The following CDK16 variants were observed in gnomAD, a reference collection of about 807,000 sequenced individuals.
The protein encoded by CDK16 is cyclin-dependent kinase 16.
CDK16 carries 2 observed loss-of-function variants against 41.6 expected under a neutral mutation model. The ratio of observed to expected loss-of-function variants is 0.05; its 90% CI spans 0.02 to 0.15. The LOEUF is 0.15. CDK16 is among the 10% of genes least tolerant of loss of function. The probability of loss-of-function intolerance (pLI) is 1.00; values close to 1 mark genes in which losing one functional copy is unlikely to be tolerated. For synonymous variants in CDK16, 169 were observed against 169.7 expected (o/e 1.00, Z 0.03); for missense variants, 228 against 428.9 (o/e 0.53, Z 4.14).
At position 47,218,712 on chromosome X, in the gene CDK16, A is replaced by C; in HGVS notation, c.-400A>C. The C allele has an allele frequency of 8.6e-7, 1 of 1,163,736 alleles. No individual in the cohort carries two copies. The highest frequency in any genetic ancestry group is 1.1e-6 in the Non-Finnish European group (1 of 871,652). On this transcript the variant is annotated 5_prime_UTR_variant, in exon 1 of 16. The change abolishes an upstream ATG in the 5' untranslated region. Transcript: ENST00000357227. ...CACCCTTCCGAGCGCCTGCGTGCGCATGCGCGGAGCGCGGCGCGCGCGGCG... is the reference window on the plus strand; with the variant it reads ...CACCCTTCCGAGCGCCTGCGTGCGCCTGCGCGGAGCGCGGCGCGCGCGGCG...
chrX:47,229,311 T>C lies in CDK16; in HGVS notation c.*543T>C. ...AAATGAGATTTTTGTTTTTTTTAAA[T>C]GCAATATCTCTGTATACAGACTGGC... On this transcript the variant is annotated 3_prime_UTR_variant, in exon 16 of 16. Coordinates refer to ENST00000357227, the MANE Select transcript of CDK16 (RefSeq NM_006201.5). The C allele has an allele frequency of 8.4e-6, 2 of 236,972 alleles. No homozygotes were observed. Among genetic ancestry groups the C allele is most frequent in the Non-Finnish European group, 7.9e-6 (1 of 126,589 alleles). 19.5% of individuals were successfully genotyped at this position (236,972 alleles called of 1,213,427 possible).
intron 3 of CDK16, 50 bp downstream of exon 3, chrX:47,224,568 C>T: frequency 5.0e-6 from 6 of 1,209,407 alleles, no homozygotes; most frequent in Non-Finnish European, 6.7e-6. Context: ...GGGGTTGGAC[C>T]TGGGGAGGTG....
At position 47,219,101 on chromosome X, in the gene CDK16, C is replaced by T; in HGVS notation, c.-11C>T. The T allele has an allele frequency of 1.2e-6, 1 of 812,643 alleles. No individual in the cohort carries two copies. 67.0% of individuals were successfully genotyped at this position (812,643 alleles called of 1,213,427 possible). On this transcript the variant is annotated 5_prime_UTR_variant, in exon 1 of 16. Coordinates refer to ENST00000357227, the MANE Select transcript of CDK16 (RefSeq NM_006201.5). ...GGCTCTGAGGTTGCTCGCGCGCCCC[C>T]GCCGGTGAGCGCGTCCCCGAGGCGT...
rs372290137 is a variant in CDK16, at chrX:47,224,572, G to T, written c.337-46G>T. The T allele has an allele frequency of 7.5e-5, 91 of 1,208,177 alleles. No homozygotes were observed. In the East Asian group the frequency reaches 1.9e-3, roughly 25 times the overall value. On this transcript the variant is annotated intron_variant, in intron 3 of 15. Coordinates refer to ENST00000357227, the MANE Select transcript of CDK16 (RefSeq NM_006201.5). ...AACTGGAAAAGGGGGTTGGACCTGG[G>T]GAGGTGGAGCTCATGATCCTGTTTC... is the stretch of plus-strand genomic sequence containing the variant.
chrX:47,218,756 C>T lies in CDK16; in HGVS notation c.-356C>T. The T allele has an allele frequency of 1.7e-6, 2 of 1,158,249 alleles. No individual in the cohort carries two copies. Among genetic ancestry groups the T allele is most frequent in the South Asian group, 1.9e-5 (1 of 52,438 alleles). ...CGCGGCGGTTGGGCCGTTGGCTGTT[C>T]GGCCCTGGGATCCGCCGCCACTCCG... On this transcript the variant is annotated 5_prime_UTR_variant, in exon 1 of 16. Coordinates refer to ENST00000357227, the MANE Select transcript of CDK16 (RefSeq NM_006201.5).
intron 1 of CDK16, 31 bp downstream of exon 1, chrX:47,219,136 C>T (rs1174366846): frequency 7.5e-6 from 6 of 796,224 alleles, no homozygotes; most frequent in Non-Finnish European, 9.0e-6. Flanking sequence ...TGGAGGCTGC[C>T]CCTCCTCCTT....
In CDK16 at chrX:47,229,181, T is replaced by A; in HGVS notation, c.*413T>A. On this transcript the variant is annotated 3_prime_UTR_variant, in exon 16 of 16. Transcript: ENST00000357227. ...GACAAGATGGTGACAATGCCTTGAG[T>A]CTGAGGCATCCTCTGCCTGCTTTCC... is the stretch of plus-strand genomic sequence containing the variant. 3.7e-6 allele frequency: 1 copy of A among 270,484 alleles called. No homozygotes were observed. The allele number at this position is 270,484 out of a possible 1,213,427, so 22.3% of individuals were successfully genotyped here.
At chrX:47,219,606 G>A (rs1313956449) in intron 1 of CDK16, among the ~76,000 whole-genome samples, 3 of 110,870 alleles carry the variant, frequency 2.7e-5, no homozygotes, top group Non-Finnish European at 3.8e-5. Context: ...GTTCATGGGG[G>A]ACAGGGTGGC....
Position 47,226,815 on chromosome X carries a change from T to C in CDK16, c.1041T>C (p.Gly347=), listed in dbSNP as rs145164365. ...TCACTGTGCCCTCCCTGCCCAGGGG[T>C]GTGGGCTGCATCTTCTATGAGATGG... ...TDYSTQIDMW[G]VGCIFYEMAT... Residue 347 remains glycine (G), a synonymous_variant, in exon 11 of 16, where the codon GGT becomes GGC. Transcript: ENST00000357227. The C allele has an allele frequency of 9.1e-6, 11 of 1,203,003 alleles. No homozygotes were observed. Among genetic ancestry groups the C allele is most frequent in the Middle Eastern group, 2.3e-4 (1 of 4,323 alleles).
chrX:47,224,802 G>A, intron 4 of CDK16, 32 bp from the exon 5 acceptor site: 1 of 1,211,325 alleles, frequency 8.3e-7, no homozygotes, highest in Non-Finnish European at 1.1e-6. Context: ...CTTCTCCTGA[G>A]CCAGCTTTAA....
Position 47,219,072 on chromosome X carries a change from C to G in CDK16, c.-40C>G. On this transcript the variant is annotated 5_prime_UTR_variant, in exon 1 of 16. Coordinates refer to ENST00000357227, the MANE Select transcript of CDK16 (RefSeq NM_006201.5). The stretch of plus-strand genomic sequence containing the variant: ...CGCCCCAGGCGCCGCCGCGCCGGCC[C>G]CGCGGCTCTGAGGTTGCTCGCGCGC... 1 of 818,693 alleles carries G rather than the reference C, an allele frequency of 1.2e-6. No homozygotes were observed. The highest frequency in any genetic ancestry group is 1.5e-6 in the Non-Finnish European group (1 of 682,115). The allele number at this position is 818,693 out of a possible 1,213,427, so 67.5% of individuals were successfully genotyped here. A position where few individuals can be genotyped will look rare whatever the true frequency, so the allele number is the denominator to read the frequency against.
Position 47,219,071 on chromosome X carries a change from C to A in CDK16, c.-41C>A. ...CCGCCCCAGGCGCCGCCGCGCCGGC[C>A]CCGCGGCTCTGAGGTTGCTCGCGCG... On this transcript the variant is annotated 5_prime_UTR_variant, in exon 1 of 16. Transcript: ENST00000357227. 1.2e-6 allele frequency: 1 copy of A among 819,034 alleles called. No individual in the cohort carries two copies. The highest frequency in any genetic ancestry group is 1.4e-4 in the East Asian group (1 of 7,346). 67.5% of individuals were successfully genotyped at this position (819,034 alleles called of 1,213,427 possible). A position where few individuals can be genotyped will look rare whatever the true frequency, so the allele number is the denominator to read the frequency against.
chrX:47,218,651 A>G (rs1410216536), upstream of CDK16: 59 of 1,165,588 alleles, frequency 5.1e-5, no homozygotes, highest in Non-Finnish European at 6.4e-5. Flanking sequence ...GTCCTTTGGT[A>G]CATGCAGTCC....
Position 47,228,714 on chromosome X carries a change from T to C in CDK16, c.1454-17T>C, listed in dbSNP as rs2055282975. ...TGCTTACCCACCAACAGCCATCTGC[T>C]CTGCTTTCCCCCACAGGCAGGCCAG... On this transcript the variant is annotated splice_polypyrimidine_tract_variant and intron_variant, in intron 15 of 15. Coordinates refer to ENST00000357227, the MANE Select transcript of CDK16 (RefSeq NM_006201.5). 8.3e-7 allele frequency: 1 copy of C among 1,209,966 alleles called. No homozygotes were observed. Among genetic ancestry groups the C allele is most frequent in the South Asian group, 1.8e-5 (1 of 56,784 alleles).
intron 1 of CDK16, 73 bp downstream of exon 1, chrX:47,219,178 T>A (rs1937220059): frequency 1.3e-6 from 1 of 769,916 alleles, no homozygotes; most frequent in African/African-American, 2.3e-5. Context: ...CCCAGGGGTC[T>A]GGGCTGCGGG....
chrX:47,218,573 C>T, upstream of CDK16: 1 of 1,142,293 alleles, frequency 8.8e-7, no homozygotes, highest in Non-Finnish European at 1.2e-6. Flanking sequence ...TCCCTGGTGC[C>T]GTCTCCGGCT....
upstream of CDK16, chrX:47,218,484 G>A (rs1937172117): frequency 4.3e-6 from 3 of 694,682 alleles, no homozygotes; most frequent in Admixed American, 8.4e-5. Flanking sequence ...GACGCGCCAG[G>A]TTACTGGCCA....
At position 47,228,879 on chromosome X, in the gene CDK16, T is replaced by C. The variant is rs2055288174; in HGVS notation, c.*111T>C. The C allele has an allele frequency of 1.2e-6, 1 of 811,862 alleles. No homozygotes were observed. The highest frequency in any genetic ancestry group is 2.2e-5 in the South Asian group (1 of 45,825). 66.9% of individuals were successfully genotyped at this position (811,862 alleles called of 1,213,427 possible). On this transcript the variant is annotated 3_prime_UTR_variant, in exon 16 of 16. Coordinates refer to ENST00000357227, the MANE Select transcript of CDK16 (RefSeq NM_006201.5). Reference sequence around the variant, plus strand: ...ACTCTCTGCCTACCTGCCTGAGCCATGTTCACCTGCCCACTTGTCCCCTGC... The same window carrying C: ...ACTCTCTGCCTACCTGCCTGAGCCACGTTCACCTGCCCACTTGTCCCCTGC...
chrX:47,227,291 C>T, intron 13 of CDK16, 68 bp downstream of exon 13: 3 of 1,115,945 alleles, frequency 2.7e-6, no homozygotes, highest in African/African-American at 1.8e-5. Context: ...GACCCCCCCC[C>T]TCAAACCAGG....
Sources: allele counts gnomAD v4.1 joint callset (sites outside exome capture counted in the v4.1 genomes callset), GRCh38; gene constraint gnomAD v4.1.1; transcripts MANE v1.5; gene names NCBI Gene and HGNC (gene_info 2026-07-23, HGNC 2026-07-21).